The following PKN3 variants were observed in gnomAD, a reference collection of about 807,000 sequenced individuals.
PKN3 encodes the protein protein kinase N3.
In PKN3, 91 loss-of-function variants were observed where a neutral mutation model predicts 113.1. That is an observed-to-expected ratio of 0.80 (90% confidence interval 0.68 to 0.96). PKN3 has a LOEUF of 0.96. Ranked by LOEUF, PKN3 falls within the 40% of genes least tolerant of loss-of-function variation. The pLI, the probability that PKN3 is intolerant of heterozygous loss-of-function variation, is 0.00. For synonymous variants in PKN3, 467 were observed against 499.0 expected, an observed-to-expected ratio of 0.94 and a Z score of 0.85; for missense variants, 1,052 against 1,202.2, an observed-to-expected ratio of 0.88 and a Z score of 1.85.
chr9:128,710,237 A>T (rs986871962), intron 6 of PKN3, among the ~76,000 whole-genome samples: 1 of 151,516 alleles, frequency 6.6e-6, no homozygotes, highest in South Asian at 2.1e-4. Flanking sequence ...CAAAAAAGTT[A>T]ATTTTCTTAT....
At chr9:128,707,624 C>G (rs921682166) in intron 6 of PKN3, among the ~76,000 whole-genome samples, 1 of 152,370 alleles carries the variant, frequency 6.6e-6, no homozygotes, top group Non-Finnish European at 1.5e-5. Context: ...CTGTGTTGCA[C>G]GTGATGTGCT....
rs779345869 is a variant in PKN3 at position 128,713,361 on chromosome 9, C to G, written c.1066C>G (p.Gln356Glu). 2 of 1,614,082 alleles carry G rather than the reference C, an allele frequency of 1.2e-6. No homozygotes were observed. The highest frequency in any genetic ancestry group is 8.5e-7 in the Non-Finnish European group (1 of 1,180,012). ...WGQVAEQSWD[Q>E]TFVIPLERAR... ...GCAGGTGGCCGAACAGTCCTGGGAC[C>G]AGACCTTTGTCATCCCACTGGAGCG... is the stretch of plus-strand genomic sequence containing the variant. Residue 356 changes from glutamine to glutamate, a missense_variant, in exon 8 of 22, where the codon CAG becomes GAG. Gln to Glu is a conservative substitution (Grantham distance 29). Coordinates refer to ENST00000291906, the MANE Select transcript of PKN3 (RefSeq NM_013355.5).
In PKN3 at chr9:128,714,289, A is replaced by G. The variant is rs1415656661; in HGVS notation, c.1405A>G (p.Ser469Gly). The change falls in exon 11 of 22, where the codon AGC becomes GGC. Residue 469 changes from serine to glycine, a missense_variant. Coordinates refer to ENST00000291906, the MANE Select transcript of PKN3 (RefSeq NM_013355.5). ...CCTGCTGCCCCCCTGCAGCTCCCCG[A>G]GCACAATCAGCCCCCCTAAAGGATG... ...MNLLPPCSSP[S>G]TISPPKGCPR... 1.2e-6 allele frequency: 2 copies of G among 1,613,358 alleles called. No homozygotes were observed. Among genetic ancestry groups the G allele is most frequent in the African/African-American group, 2.7e-5 (2 of 74,806 alleles).
In PKN3 at chr9:128,702,763, C is replaced by A; in HGVS notation, c.-153C>A. ...CGCGGACGGGAGGCGGCGCTGGTCC[C>A]GCGGGCCAGCGGGTCTCGGGAGGGG... On this transcript the variant is annotated 5_prime_UTR_variant, in exon 1 of 22. Coordinates refer to ENST00000291906, the MANE Select transcript of PKN3 (RefSeq NM_013355.5). The A allele has an allele frequency of 1.7e-6, 1 of 584,398 alleles. No individual in the cohort carries two copies. Among genetic ancestry groups the A allele is most frequent in the South Asian group, 2.1e-5 (1 of 48,222 alleles). 36.2% of individuals were successfully genotyped at this position (584,398 alleles called of 1,614,324 possible).
At chr9:128,708,634 C>T (rs530176117) in intron 6 of PKN3, among the ~76,000 whole-genome samples, 185 of 151,816 alleles carry the variant, frequency 1.2e-3, no homozygotes, top group African/African-American at 4.1e-3. Context: ...CATTTGAGCC[C>T]AGGATTTCTA....
intron 17 of PKN3, 26 bp downstream of exon 17, chr9:128,718,413 G>A (rs891627378): frequency 1.3e-6 from 2 of 1,597,186 alleles, no homozygotes; most frequent in African/African-American, 2.7e-5. Context: ...GGGATGCACG[G>A]GGGTAGGGGT....
Position 128,717,058 on chromosome 9 carries a change from C to T in PKN3, c.1985+135C>T, listed in dbSNP as rs1166839861. 6 of 555,186 alleles carry T rather than the reference C, an allele frequency of 1.1e-5. No homozygotes were observed. In the East Asian group the frequency reaches 1.9e-4, roughly 18 times the overall value. 34.4% of individuals were successfully genotyped at this position (555,186 alleles called of 1,614,324 possible). A position where few individuals can be genotyped will look rare whatever the true frequency, so the allele number is the denominator to read the frequency against. On this transcript the variant is annotated intron_variant, in intron 16 of 21. Coordinates refer to ENST00000291906, the MANE Select transcript of PKN3 (RefSeq NM_013355.5). ...TCAGAGGCCTTGGTTTACATCCTGGCACCAACTGACAGCATTTGTGATCCT... is the reference window on the plus strand; with the variant it reads ...TCAGAGGCCTTGGTTTACATCCTGGTACCAACTGACAGCATTTGTGATCCT...
intron 6 of PKN3, among the ~76,000 whole-genome samples, chr9:128,710,316 G>T (rs1862140315): frequency 6.7e-6 from 1 of 150,144 alleles, no homozygotes; most frequent in Non-Finnish European, 1.5e-5. Flanking sequence ...GAGAGCATGG[G>T]CTTTGAAGCT....
chr9:128,719,574 A>C, intron 18 of PKN3, 112 bp from the exon 19 acceptor site: 1 of 1,082,020 alleles, frequency 9.2e-7, no homozygotes, highest in Non-Finnish European at 1.3e-6. Context: ...TTCCTTGGGT[A>C]CAGGGCAGGG....
chr9:128,705,360 C>T lies in PKN3; in HGVS notation c.82C>T (p.Gln28Ter). ...DEKEVIRRAI[Q>*]KELKIKEGVE... ...GAAGGAGGTGATCCGCCGGGCCATC[C>T]AGAAAGAGCTGAAGATCAAGGAGGG... The change falls in exon 2 of 22, where the codon CAG (glutamine) becomes TAG (stop). Residue 28 changes from glutamine (Q) to a stop codon, truncating the protein, a stop_gained. Coordinates refer to ENST00000291906, the MANE Select transcript of PKN3 (RefSeq NM_013355.5). LOFTEE classifies it high-confidence loss of function. 6.3e-7 allele frequency: 1 copy of T among 1,591,274 alleles called. No individual in the cohort carries two copies. The highest frequency in any genetic ancestry group is 8.5e-7 in the Non-Finnish European group (1 of 1,169,846).
At position 128,702,919 on chromosome 9, in the gene PKN3, G is replaced by A; in HGVS notation, c.4G>A (p.Glu2Lys). 2.0e-6 allele frequency: 3 copies of A among 1,472,224 alleles called. No homozygotes were observed. Among genetic ancestry groups the A allele is most frequent in the Non-Finnish European group, 2.7e-6 (3 of 1,117,356 alleles). 91.2% of individuals were successfully genotyped at this position (1,472,224 alleles called of 1,614,324 possible). A position where few individuals can be genotyped will look rare whatever the true frequency, so the allele number is the denominator to read the frequency against. M[E>K]EGAPRQPGPS... ...CCCAAGCGGCCGGAGCGGCGCCATGGAGGAGGGGGCGCCGCGGCAGGTGAA... is the reference window on the plus strand; with the variant it reads ...CCCAAGCGGCCGGAGCGGCGCCATGAAGGAGGGGGCGCCGCGGCAGGTGAA... Residue 2 changes from glutamate to lysine, a missense_variant, in exon 1 of 22, where the codon GAG (glutamate) becomes AAG (lysine). Coordinates refer to ENST00000291906, the MANE Select transcript of PKN3 (RefSeq NM_013355.5).
chr9:128,709,473 T>C (rs1436632630), intron 6 of PKN3, among the ~76,000 whole-genome samples: 2 of 145,522 alleles, frequency 1.4e-5, no homozygotes, highest in Non-Finnish European at 3.0e-5. Context: ...AAAATTAGGC[T>C]GGGCACGGCA....
At chr9:128,716,696 C>T in intron 15 of PKN3, 51 bp from the exon 16 acceptor site, 2 of 1,512,106 alleles carry the variant, frequency 1.3e-6, no homozygotes, top group Non-Finnish European at 9.1e-7. Flanking sequence ...GCACAGGGCA[C>T]AGCCCAGGGA....
At chr9:128,717,422 C>T (rs573820744) in intron 16 of PKN3, among the ~76,000 whole-genome samples, 11 of 151,668 alleles carry the variant, frequency 7.3e-5, no homozygotes, top group Admixed American at 5.3e-4. Context: ...GCCACCACAC[C>T]TGGTGAGTCT....
intron 1 of PKN3, among the ~76,000 whole-genome samples, chr9:128,705,069 C>T (rs993801022): frequency 1.3e-5 from 2 of 152,206 alleles, no homozygotes; most frequent in South Asian, 2.1e-4. Flanking sequence ...CTGTCCCCCC[C>T]GCCACATCCT....
chr9:128,707,497 C>G (rs1356182922), intron 6 of PKN3, 92 bp downstream of exon 6: 1 of 1,086,600 alleles, frequency 9.2e-7, no homozygotes, highest in African/African-American at 1.6e-5. Flanking sequence ...TCAAGAGTTC[C>G]AGTCCTGCCC....
chr9:128,717,117 C>CTTGTTTTTTTTTTTTTTTTTTTTTTT (rs1862363185), intron 16 of PKN3, among the ~76,000 whole-genome samples, 194 bp downstream of exon 16: 1 of 24,364 alleles, frequency 4.1e-5, no homozygotes, highest in Non-Finnish European at 8.1e-5. Flanking sequence ...CATTAGGTTT[C>CTTGTTTTTTTTTTTTTTTTTTTTTTT]TTTTTTTTTT....
chr9:128,717,117 C>CTTTTTTTTTT (rs34182369), intron 16 of PKN3, among the ~76,000 whole-genome samples, 194 bp downstream of exon 16: 586 of 24,372 alleles, frequency 0.024, 226 homozygotes, highest in African/African-American at 0.061. Context: ...CATTAGGTTT[C>CTTTTTTTTTT]TTTTTTTTTT....
intron 1 of PKN3, among the ~76,000 whole-genome samples, chr9:128,704,927 AAAAG>A (rs1861962455): frequency 6.6e-6 from 1 of 151,872 alleles, no homozygotes; most frequent in Admixed American, 6.5e-5. Flanking sequence ...AAAAAAAAAA[AAAAG>A]AAAAAGAAAA....
Sources: allele counts gnomAD v4.1 joint callset (sites outside exome capture counted in the v4.1 genomes callset), GRCh38; gene constraint gnomAD v4.1.1; transcripts MANE v1.5; gene names NCBI Gene and HGNC (gene_info 2026-07-23, HGNC 2026-07-21).